MAST1: variants seen among roughly 807,000 people sequenced by gnomAD.
MAST1 encodes microtubule-associated serine/threonine-protein kinase 1.
A neutral mutation model predicts 124.6 loss-of-function variants in MAST1; 40 were observed. The observed-to-expected ratio is 0.32, with a 90% confidence interval of 0.25 to 0.42. The LOEUF (loss-of-function observed/expected upper bound fraction) is 0.42. Ranked by LOEUF, MAST1 falls within the 10% of genes least tolerant of loss-of-function variation. The probability of loss-of-function intolerance (pLI) is 1.00; values close to 1 mark genes in which losing one functional copy is unlikely to be tolerated. For synonymous variants in MAST1, 938 were observed against 939.4 expected (o/e 1.00, Z 0.03); for missense variants, 1,558 against 2,181.9 (o/e 0.71, Z 5.70).
intron 22 of MAST1, among the ~76,000 whole-genome samples, chr19:12,870,406 G>A (rs1263254204): frequency 1.3e-5 from 2 of 150,632 alleles, no homozygotes; most frequent in Non-Finnish European, 3.0e-5. Flanking sequence ...CAGGATAATC[G>A]CGTGAACCCG....
In MAST1 at chr19:12,838,706, C is replaced by T; in HGVS notation, c.83+51C>T. The T allele has an allele frequency of 6.4e-7, 1 of 1,554,752 alleles. No individual in the cohort carries two copies. The highest frequency in any genetic ancestry group is 1.7e-5 in the Admixed American group (1 of 58,956). On this transcript the variant is annotated intron_variant, in intron 1 of 25. Transcript: ENST00000251472. This position sits in a 1 kb window ranked among gnomAD's most constrained non-coding sequence, Gnocchi z 4.3. ...GTCCCGGCCCTCCCCGCAAAAGCCG[C>T]CGCTCCGGGTACTGCTGCAGGGCGG...
intron 3 of MAST1, among the ~76,000 whole-genome samples, chr19:12,842,574 T>C (rs1969844239): frequency 6.6e-6 from 1 of 152,180 alleles, no homozygotes; most frequent in South Asian, 2.1e-4. Context: ...ATTACAGGCA[T>C]GAGCCACCGC....
chr19:12,847,672 G>A lies in MAST1; in HGVS notation c.549G>A (p.Lys183=), dbSNP rs56280922. The change falls in exon 6 of 26, where the codon AAG becomes AAA. Residue 183 remains lysine (K), a synonymous_variant. Coordinates refer to ENST00000251472, the MANE Select transcript of MAST1 (RefSeq NM_014975.3). The surrounding 1 kb of genome is among the most constrained non-coding windows in gnomAD (Gnocchi z 5.5). Reference sequence around the variant, plus strand: ...TCGTGATGATGAATCACGTCTACAAGGAGAGGTTCCCGAAGGTGAGGTGGG... The same window carrying A: ...TCGTGATGATGAATCACGTCTACAAAGAGAGGTTCCCGAAGGTGAGGTGGG... The part of the protein sequence containing the change: ...NEIVMMNHVY[K]ERFPKATAQM... The A allele has an allele frequency of 1.5e-4, 247 of 1,613,876 alleles. No individual in the cohort carries two copies. The highest frequency in any genetic ancestry group is 4.9e-4 in the Middle Eastern group (3 of 6,068).
Position 12,873,628 on chromosome 19 carries a change from C to T in MAST1, c.3471C>T (p.Ser1157=), listed in dbSNP as rs551894732. 5 of 1,588,942 alleles carry T rather than the reference C, an allele frequency of 3.1e-6. No individual in the cohort carries two copies. The highest frequency in any genetic ancestry group is 4.3e-6 in the Non-Finnish European group (5 of 1,170,076). Residue 1157 remains serine, a synonymous_variant, in exon 26 of 26, where the codon AGC becomes AGT. Transcript: ENST00000251472. ...CCGCAGGCGCCTCATCCCAGAGCAG[C>T]TCCCCAGCCTCGAGCACGCCCAACT... ...SAYLGASSQS[S]SPASSTPNSP...
In MAST1 at chr19:12,867,521, A is replaced by T. The variant is rs1225177473; in HGVS notation, c.2187A>T (p.Pro729=). The change falls in exon 19 of 26, where the codon CCA becomes CCT. Residue 729 remains proline, a synonymous_variant. Coordinates refer to ENST00000251472, the MANE Select transcript of MAST1 (RefSeq NM_014975.3). ...EQLSQHEPKT[P]VAAAGSSKRE... is the part of the protein sequence containing the mutation. ...TGTCGCAGCACGAGCCCAAGACCCCAGTAGCAGCTGCAGGGAGCAGCAAGC... is the reference window on the plus strand; with the variant it reads ...TGTCGCAGCACGAGCCCAAGACCCCTGTAGCAGCTGCAGGGAGCAGCAAGC... The T allele has an allele frequency of 6.2e-7, 1 of 1,613,846 alleles. No homozygotes were observed. The highest frequency in any genetic ancestry group is 1.1e-5 in the South Asian group (1 of 91,080).
chr19:12,867,648 G>A lies in MAST1; in HGVS notation c.2314G>A (p.Glu772Lys), dbSNP rs769702856. Reference protein sequence around the residue: ...REKTWRGGSPEIKRFSASEAS... With the variant: ...REKTWRGGSPKIKRFSASEAS... ...GAAGACCTGGAGAGGGGGCTCTCCGGAGATGTGAGCAGGGGAATGGCGGAG... is the reference window on the plus strand; with the variant it reads ...GAAGACCTGGAGAGGGGGCTCTCCGAAGATGTGAGCAGGGGAATGGCGGAG... The change falls in exon 19 of 26, where the codon GAG becomes AAG. Residue 772 changes from glutamate (E) to lysine (K), a missense_variant. Around this residue, in one of 10 missense-constraint regions of MAST1, gnomAD observed 287 missense variants for 308.0 expected, o/e 0.93. Coordinates refer to ENST00000251472, the MANE Select transcript of MAST1 (RefSeq NM_014975.3). The A allele has an allele frequency of 1.3e-6, 2 of 1,594,282 alleles. No homozygotes were observed. The highest frequency in any genetic ancestry group is 2.3e-5 in the East Asian group (1 of 44,236).
rs1188623585 is a variant in MAST1 at position 12,848,057 on chromosome 19, C to T, written c.774C>T (p.Asp258=). 2 of 1,613,138 alleles carry T rather than the reference C, an allele frequency of 1.2e-6. No homozygotes were observed. The highest frequency in any genetic ancestry group is 1.1e-5 in the South Asian group (1 of 90,910). The change falls in exon 7 of 26, where the codon GAC becomes GAT. Residue 258 remains aspartate, a splice_region_variant and synonymous_variant. Coordinates refer to ENST00000251472, the MANE Select transcript of MAST1 (RefSeq NM_014975.3). ...LQENLEKLLQ[D]AYERSESLEV... ...AGAACCTGGAGAAGCTCCTTCAAGA[C>T]GTGAGTGCACGCGGAGGCCGGGCTG...
chr19:12,845,411 C>CAAAAAAA (rs540488398), intron 4 of MAST1, among the ~76,000 whole-genome samples: 2,883 of 69,028 alleles, frequency 0.042, 347 homozygotes, highest in African/African-American at 0.16. Context: ...CCTGTTTCTA[C>CAAAAAAA]AAAAAAAAAA....
In MAST1 at chr19:12,865,279, C is replaced by T. The variant is rs374247290; in HGVS notation, c.1639-37C>T. On this transcript the variant is annotated intron_variant, in intron 14 of 25. Transcript: ENST00000251472. The surrounding 1 kb of genome is among the most constrained non-coding windows in gnomAD (Gnocchi z 7.1). ...GGCACAGCTCTCCCTTGAGGGCCCT[C>T]CTCTGGCTGGGGCGTGGGCTGACAG... The T allele has an allele frequency of 9.5e-6, 15 of 1,579,138 alleles. No individual in the cohort carries two copies. The African/African-American group carries it at 1.2e-4, about 13-fold the overall frequency.
At position 12,841,054 on chromosome 19, in the gene MAST1, C is replaced by T. The variant is rs1969820460; in HGVS notation, c.236C>T (p.Ala79Val). ...AACACCCCCGCCCACTTCTCGTTTG[C>T]CTCCTCCCGAAGGTGAGTCCCTCCC... is the stretch of plus-strand genomic sequence containing the variant. ...SPNTPAHFSF[A>V]SSRRADGRRW... The change falls in exon 3 of 26, where the codon GCC becomes GTC. Residue 79 changes from alanine (A) to valine (V), a missense_variant. Ala to Val is a moderately conservative substitution (Grantham distance 64). Transcript: ENST00000251472. This position sits in a 1 kb window ranked among gnomAD's most constrained non-coding sequence, Gnocchi z 4.3. 5 of 1,511,150 alleles carry T rather than the reference C, an allele frequency of 3.3e-6. No homozygotes were observed. Among genetic ancestry groups the T allele is most frequent in the Middle Eastern group, 1.7e-4 (1 of 5,898 alleles). The allele number at this position is 1,511,150 out of a possible 1,614,324, so 93.6% of individuals were successfully genotyped here.
Position 12,874,245 on chromosome 19 carries a change from CG to C in MAST1, c.4094del (p.Gly1365AlafsTer48). 2.6e-6 allele frequency: 4 copies of C among 1,560,088 alleles called. No homozygotes were observed. The highest frequency in any genetic ancestry group is 8.6e-7 in the Non-Finnish European group (1 of 1,156,760). On this transcript the variant is annotated frameshift_variant, in exon 26 of 26. Coordinates refer to ENST00000251472, the MANE Select transcript of MAST1 (RefSeq NM_014975.3). LOFTEE classifies it low-confidence loss of function (END_TRUNC). This position sits in a 1 kb window ranked among gnomAD's most constrained non-coding sequence, Gnocchi z 6.6. ...PPVSSKEKES[P>X]GGAEACTPPR... ...GTGTCGAGCAAGGAGAAGGAATCCC[CG>C]GGGGGCGCCGAGGCGTGCACCCCAC... is the stretch of plus-strand genomic sequence containing the variant.
chr19:12,869,792 C>A (rs1212831018), intron 22 of MAST1, among the ~76,000 whole-genome samples: 1 of 151,866 alleles, frequency 6.6e-6, no homozygotes, highest in African/African-American at 2.4e-5. Flanking sequence ...GTGGCTCAGG[C>A]CTGTAATCCC....
At position 12,874,702 on chromosome 19, in the gene MAST1, G is replaced by A. The variant is rs1228106996; in HGVS notation, c.4545G>A (p.Ala1515=). ...CCCAGACACCCTCCCTAGCCCCAGCGAAGTGCAGTGCACCCAGCAGTGCAG... is the reference window on the plus strand; with the variant it reads ...CCCAGACACCCTCCCTAGCCCCAGCAAAGTGCAGTGCACCCAGCAGTGCAG... ...PEPQTPSLAP[A]KCSAPSSAVT... Residue 1515 remains alanine, a synonymous_variant, in exon 26 of 26, where the codon GCG becomes GCA. Coordinates refer to ENST00000251472, the MANE Select transcript of MAST1 (RefSeq NM_014975.3). The surrounding 1 kb of genome is among the most constrained non-coding windows in gnomAD (Gnocchi z 6.6). The A allele has an allele frequency of 1.9e-6, 3 of 1,575,968 alleles. No individual in the cohort carries two copies. Among genetic ancestry groups the A allele is most frequent in the Non-Finnish European group, 2.6e-6 (3 of 1,155,196 alleles).
Position 12,838,646 on chromosome 19 carries a change from G to A in MAST1, c.74G>A (p.Arg25His). 6.2e-7 allele frequency: 1 copy of A among 1,608,424 alleles called. No individual in the cohort carries two copies. The stretch of plus-strand genomic sequence containing the variant: ...TTCCCCGGCGGCAGTATGTTCCGCC[G>A]CACCAAGAGGTAGACCCCCGATCCC... ...PSFPGGSMFR[R>H]TKSCRTSNRK... The change falls in exon 1 of 26, where the codon CGC becomes CAC. Residue 25 changes from arginine (R) to histidine (H), a missense_variant. Physicochemically the swap from Arg to His is conservative, Grantham distance 29. This residue lies in a region of MAST1 where 42 missense variants were observed against 54.6 expected (regional missense o/e 0.77). Coordinates refer to ENST00000251472, the MANE Select transcript of MAST1 (RefSeq NM_014975.3). The surrounding 1 kb of genome is among the most constrained non-coding windows in gnomAD (Gnocchi z 4.3).
chr19:12,847,758 GC>G lies in MAST1; in HGVS notation c.564+76del, dbSNP rs973887211. ...ACTCTCGCTCGCCTTATCCCCGCGCGCCCCCTGGCGGCCTCGGTGCGCAGCG... is the reference window on the plus strand; with the variant it reads ...ACTCTCGCTCGCCTTATCCCCGCGCGCCCCTGGCGGCCTCGGTGCGCAGCG... On this transcript the variant is annotated intron_variant, in intron 6 of 25. Coordinates refer to ENST00000251472, the MANE Select transcript of MAST1 (RefSeq NM_014975.3). This position sits in a 1 kb window ranked among gnomAD's most constrained non-coding sequence, Gnocchi z 5.5. 1.8e-5 allele frequency: 28 copies of G among 1,584,768 alleles called. No homozygotes were observed. The highest frequency in any genetic ancestry group is 2.2e-5 in the Non-Finnish European group (25 of 1,161,868).
chr19:12,873,716 C>T lies in MAST1; in HGVS notation c.3559C>T (p.Leu1187Phe), dbSNP rs1343796214. 1 of 1,602,480 alleles carries T rather than the reference C, an allele frequency of 6.2e-7. No individual in the cohort carries two copies. Among genetic ancestry groups the T allele is most frequent in the Admixed American group, 1.7e-5 (1 of 59,768 alleles). The part of the protein sequence containing the change: ...PSTLHGLSPK[L>F]HRQYRSARCK... ...CACGCTGCACGGACTGTCGCCAAAG[C>T]TCCATCGCCAGTACCGCTCTGCGCG... The change falls in exon 26 of 26, where the codon CTC becomes TTC. Residue 1187 changes from leucine to phenylalanine, a missense_variant. Coordinates refer to ENST00000251472, the MANE Select transcript of MAST1 (RefSeq NM_014975.3).
intron 4 of MAST1, among the ~76,000 whole-genome samples, chr19:12,846,570 C>T (rs1302346629): frequency 1.3e-5 from 2 of 151,870 alleles, no homozygotes; most frequent in African/African-American, 4.8e-5. Flanking sequence ...CCTGGCTTGT[C>T]CAAGGACCAT....
At chr19:12,859,487 A>T (rs1015257088) in intron 12 of MAST1, among the ~76,000 whole-genome samples, 1 of 152,086 alleles carries the variant, frequency 6.6e-6, no homozygotes. Context: ...CCTGGGCTCA[A>T]TCAATTCTCC....
At chr19:12,850,005 C>T (rs1969942422) in intron 7 of MAST1, among the ~76,000 whole-genome samples, 1 of 151,766 alleles carries the variant, frequency 6.6e-6, no homozygotes, top group South Asian at 2.1e-4. Flanking sequence ...ACCATGTTGG[C>T]CAGGCTGGTC....
Sources: allele counts gnomAD v4.1 joint callset (sites outside exome capture counted in the v4.1 genomes callset), GRCh38; gene constraint gnomAD v4.1.1; regional missense constraint gnomAD v4.1.1; non-coding constraint Gnocchi (gnomAD v3.1); transcripts MANE v1.5; gene names NCBI Gene and HGNC (gene_info 2026-07-23, HGNC 2026-07-21).